The following CHLSN variants were observed in gnomAD, a reference collection of about 807,000 sequenced individuals.
CHLSN encodes the protein protein cholesin.
the CHLSN span, chr7:1,087,944 A>G: frequency 2.0e-5 from 3 of 152,252 alleles, no homozygotes; most frequent in East Asian, 1.9e-4. Flanking sequence ...TTCCACAAAA[A>G]CAAGTCTAGT....
the CHLSN span, among the ~76,000 whole-genome samples, chr7:1,124,844 G>A: frequency 2.8e-3 from 424 of 152,214 alleles, 10 homozygotes; most frequent in South Asian, 4.1e-3. Context: ...GGTGGAACGC[G>A]GGGCTGCCTG....
At chr7:1,053,435 C>T in the CHLSN span, among the ~76,000 whole-genome samples, 1 of 152,216 alleles carries the variant, frequency 6.6e-6, no homozygotes. Flanking sequence ...CGTCACGAGT[C>T]TCCTGTGACC....
At chr7:1,124,890 C>T in the CHLSN span, among the ~76,000 whole-genome samples, 1 of 152,216 alleles carries the variant, frequency 6.6e-6, no homozygotes, top group Non-Finnish European at 1.5e-5. Context: ...GACCTCTGCA[C>T]CTGCCAGGCC....
the CHLSN span, among the ~76,000 whole-genome samples, chr7:1,099,297 C>A: frequency 2.6e-5 from 4 of 152,254 alleles, no homozygotes; most frequent in Non-Finnish European, 4.4e-5. Context: ...CAGACCAATT[C>A]TGTCCCTCTG....
At chr7:1,009,292 C>T in the CHLSN span, among the ~76,000 whole-genome samples, 11,235 of 152,262 alleles carry the variant, frequency 0.074, 438 homozygotes, top group Middle Eastern at 0.12. Context: ...GCCACGTGGA[C>T]GCCGTGACAC....
the CHLSN span, chr7:1,026,645 C>T: frequency 1.3e-5 from 2 of 152,240 alleles, no homozygotes; most frequent in South Asian, 4.1e-4. Context: ...GATCCTGCCA[C>T]TTTACTGAAA....
the CHLSN span, among the ~76,000 whole-genome samples, chr7:1,039,058 G>C: frequency 2.8e-3 from 189 of 66,328 alleles, no homozygotes; most frequent in African/African-American, 4.6e-3. Context: ...GGAGGGAGGT[G>C]GGGGGGGTCA....
the CHLSN span, chr7:1,055,361 C>T: frequency 1.1e-5 from 5 of 470,898 alleles, no homozygotes; most frequent in African/African-American, 1.0e-4. Context: ...TGCGGGTTTG[C>T]AGAGAAGCGC....
At chr7:1,104,626 G>T in the CHLSN span, among the ~76,000 whole-genome samples, 1 of 152,178 alleles carries the variant, frequency 6.6e-6, no homozygotes, top group African/African-American at 2.4e-5. Context: ...TACCAGGAGC[G>T]CAGCAAGTTT....
the CHLSN span, among the ~76,000 whole-genome samples, chr7:1,078,791 G>A: frequency 1.3e-5 from 2 of 152,248 alleles, no homozygotes; most frequent in Non-Finnish European, 2.9e-5. Flanking sequence ...CCAGACAGAG[G>A]CTGGGAGCTC....
the CHLSN span, among the ~76,000 whole-genome samples, chr7:1,110,688 A>G: frequency 6.6e-6 from 1 of 152,252 alleles, no homozygotes; most frequent in Non-Finnish European, 1.5e-5. Context: ...TGTAGGGCAA[A>G]AGCCATAAAC....
the CHLSN span, chr7:988,881 A>G: frequency 1.0e-6 from 1 of 963,174 alleles, no homozygotes; most frequent in Non-Finnish European, 1.4e-6. Flanking sequence ...GGGTCCTCCC[A>G]CCCTCTCTCC....
chr7:1,120,382 T>C, the CHLSN span, among the ~76,000 whole-genome samples: 12 of 152,142 alleles, frequency 7.9e-5, no homozygotes, highest in Non-Finnish European at 1.3e-4. Context: ...CTTGGCTCAC[T>C]GCAGCCTCCG....
chr7:985,203 C>T, the CHLSN span: 1 of 1,564,596 alleles, frequency 6.4e-7, no homozygotes. Flanking sequence ...GCTGGGCTCC[C>T]TCCAATATCA....
chr7:1,135,692 G>T, the CHLSN span, among the ~76,000 whole-genome samples: 1 of 150,348 alleles, frequency 6.7e-6, no homozygotes, highest in East Asian at 1.9e-4. Context: ...GTTTGAATAC[G>T]AGGTGGAGGT....
chr7:1,004,338 T>C, the CHLSN span, among the ~76,000 whole-genome samples: 1 of 152,128 alleles, frequency 6.6e-6, no homozygotes, highest in African/African-American at 2.4e-5. Flanking sequence ...GCTGCTGCTT[T>C]CCACCAGCCT....
chr7:1,055,512 A>C, the CHLSN span: 1 of 451,490 alleles, frequency 2.2e-6, no homozygotes, highest in South Asian at 1.6e-5. Flanking sequence ...CGCAGGTGGG[A>C]GAGGGGACGT....
chr7:1,004,381 C>G, the CHLSN span, among the ~76,000 whole-genome samples: 1 of 152,180 alleles, frequency 6.6e-6, no homozygotes, highest in South Asian at 2.1e-4. Context: ...GTGGTGACCC[C>G]ACTTCACGGG....
the CHLSN span, among the ~76,000 whole-genome samples, chr7:1,016,942 G>A: frequency 2.7e-5 from 4 of 146,500 alleles, no homozygotes; most frequent in Admixed American, 1.3e-4. Flanking sequence ...GCACACGCCA[G>A]CACACGCCAG....
Sources: allele counts gnomAD v4.1 joint callset (sites outside exome capture counted in the v4.1 genomes callset), GRCh38; gene constraint gnomAD v4.1.1; transcripts MANE v1.5; gene names NCBI Gene and HGNC (gene_info 2026-07-23, HGNC 2026-07-21).